The following SKIC2 variants were observed in gnomAD, a reference collection of about 807,000 sequenced individuals.
SKIC2 encodes the protein superkiller complex protein 2.
the SKIC2 span, chr6:31,961,476 T>A: frequency 1.3e-6 from 2 of 1,535,556 alleles, no homozygotes; most frequent in Admixed American, 2.1e-5. Flanking sequence ...GAAAGGGACA[T>A]CTTTTGGGAG....
the SKIC2 span, chr6:31,960,432 G>C: frequency 6.2e-7 from 1 of 1,613,132 alleles, no homozygotes; most frequent in Non-Finnish European, 8.5e-7. Context: ...CTTGCCTTAG[G>C]TCTTGCTGGA....
chr6:31,961,885 CCTGT>C, the SKIC2 span: 5 of 1,611,518 alleles, frequency 3.1e-6, no homozygotes, highest in Admixed American at 6.7e-5. Flanking sequence ...TTCTTCAGCT[CCTGT>C]CTATTTCTCT....
chr6:31,959,244 A>G, the SKIC2 span: 1 of 1,609,416 alleles, frequency 6.2e-7, no homozygotes, highest in Non-Finnish European at 8.5e-7. Context: ...AATGGAACGG[A>G]GTAGCCGATA....
chr6:31,963,220 A>G, the SKIC2 span: 1 of 804,690 alleles, frequency 1.2e-6, no homozygotes, highest in South Asian at 1.8e-5. The surrounding 1 kb of genome is among the most constrained non-coding windows in gnomAD (Gnocchi z 5.3). Context: ...AACATGTCCC[A>G]CCTGGTGGCT....
chr6:31,961,474 C>T, the SKIC2 span: 1 of 1,534,018 alleles, frequency 6.5e-7, no homozygotes, highest in East Asian at 2.3e-5. Flanking sequence ...AAGAAAGGGA[C>T]ATCTTTTGGG....
the SKIC2 span, chr6:31,967,488 C>T: frequency 1.2e-6 from 1 of 855,872 alleles, no homozygotes; most frequent in Non-Finnish European, 1.9e-6. This position sits in a 1 kb window ranked among gnomAD's most constrained non-coding sequence, Gnocchi z 4.9. Flanking sequence ...TCATTTTCCC[C>T]TCTTGCCCTC....
At chr6:31,967,805 A>G in the SKIC2 span, 11 of 1,612,972 alleles carry the variant, frequency 6.8e-6, no homozygotes, top group East Asian at 6.7e-5. The surrounding 1 kb of genome is among the most constrained non-coding windows in gnomAD (Gnocchi z 4.9). Context: ...GGGGCCAGCC[A>G]CTGCAGAGGT....
the SKIC2 span, chr6:31,962,517 G>T: frequency 5.0e-6 from 8 of 1,614,124 alleles, no homozygotes; most frequent in Non-Finnish European, 5.9e-6. This position sits in a 1 kb window ranked among gnomAD's most constrained non-coding sequence, Gnocchi z 5.0. Context: ...GGGATGTGGG[G>T]CTGCTCACCG....
At chr6:31,960,729 A>G in the SKIC2 span, 6 of 1,562,510 alleles carry the variant, frequency 3.8e-6, no homozygotes, top group South Asian at 6.1e-5. Context: ...GAGGAGATAG[A>G]CTTTGAGAAA....
At chr6:31,966,812 G>A in the SKIC2 span, 1 of 1,614,202 alleles carries the variant, frequency 6.2e-7, no homozygotes, top group Non-Finnish European at 8.5e-7. This position sits in a 1 kb window ranked among gnomAD's most constrained non-coding sequence, Gnocchi z 5.9. Context: ...ATGAAGAGGA[G>A]CTTCTCTGAG....
the SKIC2 span, chr6:31,961,041 A>G: frequency 2.5e-6 from 4 of 1,609,890 alleles, no homozygotes; most frequent in Admixed American, 1.7e-5. Flanking sequence ...TATCCTACAG[A>G]TCTTCTTACT....
At chr6:31,968,846 C>T in the SKIC2 span, 95 of 1,610,982 alleles carry the variant, frequency 5.9e-5, 1 homozygote, top group Non-Finnish European at 7.3e-5. This position sits in a 1 kb window ranked among gnomAD's most constrained non-coding sequence, Gnocchi z 6.1. Flanking sequence ...AGCAGTGTGT[C>T]CAATGCCCAC....
chr6:31,969,495 T>C, the SKIC2 span: 1 of 1,613,244 alleles, frequency 6.2e-7, no homozygotes, highest in Non-Finnish European at 8.5e-7. This position sits in a 1 kb window ranked among gnomAD's most constrained non-coding sequence, Gnocchi z 6.1. Flanking sequence ...CATCCAGTCC[T>C]CACCCTACTT....
the SKIC2 span, chr6:31,964,339 C>T: frequency 6.2e-7 from 1 of 1,611,566 alleles, no homozygotes; most frequent in East Asian, 2.2e-5. The surrounding 1 kb of genome is among the most constrained non-coding windows in gnomAD (Gnocchi z 5.0). Flanking sequence ...GTGGCCTGGT[C>T]AAGGTGCATG....
At chr6:31,960,144 C>G in the SKIC2 span, 1 of 1,607,230 alleles carries the variant, frequency 6.2e-7, no homozygotes, top group Non-Finnish European at 8.5e-7. Flanking sequence ...GGGGCTTAGA[C>G]TAGGGTGATG....
At chr6:31,962,476 C>T in the SKIC2 span, 5 of 1,614,116 alleles carry the variant, frequency 3.1e-6, no homozygotes, top group South Asian at 1.1e-5. The surrounding 1 kb of genome is among the most constrained non-coding windows in gnomAD (Gnocchi z 5.0). Flanking sequence ...CCTGAGCAAC[C>T]AGAAGTTCCG....
chr6:31,968,560 C>T, the SKIC2 span: 1 of 1,601,650 alleles, frequency 6.2e-7, no homozygotes, highest in Non-Finnish European at 8.5e-7. This position sits in a 1 kb window ranked among gnomAD's most constrained non-coding sequence, Gnocchi z 6.1. Flanking sequence ...GGTGGTAACT[C>T]CCAAGCTGGG....
At chr6:31,962,481 G>A in the SKIC2 span, 1 of 1,614,170 alleles carries the variant, frequency 6.2e-7, no homozygotes, top group Non-Finnish European at 8.5e-7. The surrounding 1 kb of genome is among the most constrained non-coding windows in gnomAD (Gnocchi z 5.0). Flanking sequence ...GCAACCAGAA[G>A]TTCCGGGACT....
At chr6:31,967,431 T>C in the SKIC2 span, 2 of 1,392,904 alleles carry the variant, frequency 1.4e-6, no homozygotes, top group Non-Finnish European at 2.0e-6. The surrounding 1 kb of genome is among the most constrained non-coding windows in gnomAD (Gnocchi z 4.9). Flanking sequence ...AAGCCCTCTC[T>C]CCATTTTCCC....
Sources: allele counts gnomAD v4.1 joint callset, GRCh38; gene constraint gnomAD v4.1.1; non-coding constraint Gnocchi (gnomAD v3.1); transcripts MANE v1.5; gene names NCBI Gene and HGNC (gene_info 2026-07-23, HGNC 2026-07-21).